Variants in PPARGC1B observed in about 807,000 individuals in gnomAD.
PPARGC1B encodes the protein PPARG coactivator 1 beta.
A neutral mutation model predicts 101.6 loss-of-function variants in PPARGC1B; 34 were observed. The ratio of observed to expected loss-of-function variants is 0.33; its 90% CI spans 0.25 to 0.45. The LOEUF (loss-of-function observed/expected upper bound fraction) is 0.45. PPARGC1B is among the 20% of genes least tolerant of loss of function. The pLI is 1.00. For synonymous variants in PPARGC1B, 548 were observed against 539.3 expected, an observed-to-expected ratio of 1.02 and a Z score of -0.22; for missense variants, 1,234 against 1,317.6, an observed-to-expected ratio of 0.94 and a Z score of 0.98.
intron 2 of PPARGC1B, among the ~76,000 whole-genome samples, chr5:149,823,190 T>C (rs1256862279): frequency 6.6e-6 from 1 of 152,212 alleles, no homozygotes; most frequent in Non-Finnish European, 1.5e-5. Context: ...CCATGTGTCC[T>C]TGGATGAGTA....
At chr5:149,739,076 G>A (rs1754823774) in intron 1 of PPARGC1B, among the ~76,000 whole-genome samples, 1 of 152,162 alleles carries the variant, frequency 6.6e-6, no homozygotes, top group Admixed American at 6.5e-5. Flanking sequence ...CGTTTTATAG[G>A]TTTCAATGTC....
Position 149,833,854 on chromosome 5 carries a change from G to A in PPARGC1B, c.1705+76G>A. 3.5e-6 allele frequency: 5 copies of A among 1,423,746 alleles called. No individual in the cohort carries two copies. Among genetic ancestry groups the A allele is most frequent in the Non-Finnish European group, 4.6e-6 (5 of 1,093,488 alleles). 88.2% of individuals were successfully genotyped at this position (1,423,746 alleles called of 1,614,324 possible). A position where few individuals can be genotyped will look rare whatever the true frequency, so the allele number is the denominator to read the frequency against. On this transcript the variant is annotated intron_variant, in intron 5 of 11. Transcript: ENST00000309241. The surrounding 1 kb of genome is among the most constrained non-coding windows in gnomAD (Gnocchi z 4.1). The stretch of plus-strand genomic sequence containing the variant: ...TGCCCCTCTGCACTGGGAGCCAGGA[G>A]CCCTGTGTTCAAGTCCCCGTCCCCC...
At chr5:149,847,191 G>A (rs1759598377) in intron 11 of PPARGC1B, 1 of 581,178 alleles carries the variant, frequency 1.7e-6, no homozygotes, top group Non-Finnish European at 3.1e-6. Context: ...GGGTGTTGGA[G>A]CTAGAAAGGC....
rs1162252523 is a variant in PPARGC1B at position 149,820,554 on chromosome 5, A to C, written c.200A>C (p.Asn67Thr). The C allele has an allele frequency of 6.2e-7, 1 of 1,613,790 alleles. No homozygotes were observed. Among genetic ancestry groups the C allele is most frequent in the Admixed American group, 1.7e-5 (1 of 60,006 alleles). The stretch of plus-strand genomic sequence containing the variant: ...GGGGAGCTGCAGTGGTGCCCAGAGA[A>C]CTCAGAGACTGAACCCAACCAGTAC... ...CFGELQWCPE[N>T]SETEPNQYSP... The change falls in exon 2 of 12, where the codon AAC becomes ACC. Residue 67 changes from asparagine (N) to threonine (T), a missense_variant. Around this residue, in one of 3 missense-constraint regions of PPARGC1B, gnomAD observed 734 missense variants for 768.4 expected, o/e 0.96. Transcript: ENST00000309241.
intron 1 of PPARGC1B, among the ~76,000 whole-genome samples, chr5:149,760,659 T>C (rs372691808): frequency 1.2e-4 from 19 of 152,226 alleles, no homozygotes; most frequent in African/African-American, 4.3e-4. Context: ...CCAAATGCTA[T>C]GCTTATGTGA....
In PPARGC1B at chr5:149,851,433, C is replaced by G. The variant is rs919565164; in HGVS notation, c.*3875C>G. 1 of 152,172 alleles carries G rather than the reference C, an allele frequency of 6.6e-6. No individual in the cohort carries two copies. Among genetic ancestry groups the G allele is most frequent in the African/African-American group, 2.4e-5 (1 of 41,424 alleles). The allele number at this position is 152,172 out of a possible 1,614,324, so 9.4% of individuals were successfully genotyped here. ...CCTAACTGTGAAGCAAAATCAGCCC[C>G]AGAGGATGTATTGATCTGACTCACT... On this transcript the variant is annotated 3_prime_UTR_variant, in exon 12 of 12. Transcript: ENST00000309241.
chr5:149,837,221 G>A lies in PPARGC1B; in HGVS notation c.2618+148G>A, dbSNP rs1040109940. 5 of 1,315,544 alleles carry A rather than the reference G, an allele frequency of 3.8e-6. No homozygotes were observed. Among genetic ancestry groups the A allele is most frequent in the Non-Finnish European group, 5.1e-6 (5 of 986,056 alleles). 81.5% of individuals were successfully genotyped at this position (1,315,544 alleles called of 1,614,324 possible). ...AGTGTGGCCCATGTCTTGGTCAGGA[G>A]CCTTGAAGGTGGTCTTCTGGGGCAG... On this transcript the variant is annotated intron_variant, in intron 8 of 11. Coordinates refer to ENST00000309241, the MANE Select transcript of PPARGC1B (RefSeq NM_133263.4). This position sits in a 1 kb window ranked among gnomAD's most constrained non-coding sequence, Gnocchi z 4.2.
chr5:149,791,015 G>A (rs752147275), intron 1 of PPARGC1B, among the ~76,000 whole-genome samples: 28 of 152,072 alleles, frequency 1.8e-4, no homozygotes, highest in Non-Finnish European at 4.0e-4. Context: ...TGGACCAGGT[G>A]TGGTGGTTCA....
chr5:149,774,938 C>G (rs187584449), intron 1 of PPARGC1B, among the ~76,000 whole-genome samples: 4 of 152,268 alleles, frequency 2.6e-5, no homozygotes, highest in Non-Finnish European at 1.5e-5. Context: ...ATGGGCTCAT[C>G]TGGGACTCAG....
At chr5:149,819,335 A>AT (rs1758181655) in intron 1 of PPARGC1B, among the ~76,000 whole-genome samples, 1 of 152,006 alleles carries the variant, frequency 6.6e-6, no homozygotes, top group Non-Finnish European at 1.5e-5. Flanking sequence ...ATATGGCTTG[A>AT]TTTTTACTTT....
At chr5:149,817,961 C>A (rs889139374) in intron 1 of PPARGC1B, among the ~76,000 whole-genome samples, 3 of 152,192 alleles carry the variant, frequency 2.0e-5, no homozygotes, top group African/African-American at 7.2e-5. Context: ...AGGAAACAAA[C>A]CAATTATCCA....
chr5:149,761,846 G>C (rs62382303), intron 1 of PPARGC1B, among the ~76,000 whole-genome samples: 13,435 of 152,196 alleles, frequency 0.088, 846 homozygotes, highest in African/African-American at 0.18. Flanking sequence ...GGGGAGCACT[G>C]TGTTATCCCG....
At chr5:149,778,423 T>C (rs922570092) in intron 1 of PPARGC1B, among the ~76,000 whole-genome samples, 1 of 151,702 alleles carries the variant, frequency 6.6e-6, no homozygotes, top group African/African-American at 2.4e-5. Flanking sequence ...GAGAGGAGGC[T>C]CCAAGCAGAA....
chr5:149,743,199 A>C (rs1347928212), intron 1 of PPARGC1B, among the ~76,000 whole-genome samples: 3 of 139,808 alleles, frequency 2.1e-5, no homozygotes, highest in Admixed American at 1.5e-4. Context: ...TCTGTCGCCC[A>C]GGCTGGAGTG....
intron 10 of PPARGC1B, among the ~76,000 whole-genome samples, chr5:149,844,295 A>G (rs534798821): frequency 6.6e-6 from 1 of 152,208 alleles, no homozygotes; most frequent in Non-Finnish European, 1.5e-5. Flanking sequence ...TTAAGATTTT[A>G]AAAAAACACA....
Position 149,845,808 on chromosome 5 carries a change from C to T in PPARGC1B, c.2865C>T (p.Ala955=), listed in dbSNP as rs569906972. 3 of 1,613,936 alleles carry T rather than the reference C, an allele frequency of 1.9e-6. No individual in the cohort carries two copies. In the South Asian group the frequency reaches 3.3e-5, roughly 18 times the overall value. Residue 955 remains alanine (A), a synonymous_variant, in exon 11 of 12, where the codon GCC becomes GCT. Coordinates refer to ENST00000309241, the MANE Select transcript of PPARGC1B (RefSeq NM_133263.4). The part of the protein sequence containing the change: ...FITYRCSEHA[A]LSLTKGAALR... ...CCTACCGGTGTTCTGAGCACGCGGC[C>T]CTCTCTTTGACAAAGGGCGCTGCCC...
At chr5:149,793,246 CTCT>C (rs1561545544) in intron 1 of PPARGC1B, among the ~76,000 whole-genome samples, 1 of 152,084 alleles carries the variant, frequency 6.6e-6, no homozygotes, top group African/African-American at 2.4e-5. Context: ...CATGGGGCAG[CTCT>C]TCTTGGTCAA....
chr5:149,847,070 G>A (rs75739000), intron 11 of PPARGC1B: 16,648 of 325,548 alleles, frequency 0.051, 893 homozygotes, highest in Admixed American at 0.17. Context: ...TGGTGACAGA[G>A]CGAGACTGCA....
In PPARGC1B at chr5:149,763,861, G is replaced by A. The variant is rs189530143; in HGVS notation, c.78+33441G>A. Among the ~76,000 whole-genome samples, 52 of 151,496 alleles carry A rather than the reference G, an allele frequency of 3.4e-4. No homozygotes were observed. In the East Asian group the frequency reaches 7.2e-3, roughly 21 times the overall value. The stretch of plus-strand genomic sequence containing the variant: ...TGCAGGGGTGCAATCTTGGCTGACC[G>A]CCACCTCTGCCTCCTGGGCTAAAGG... On this transcript the variant is annotated intron_variant, in intron 1 of 11. Coordinates refer to ENST00000309241, the MANE Select transcript of PPARGC1B (RefSeq NM_133263.4).
Sources: gnomAD v4.1 joint callset for allele counts (sites outside exome capture counted in the v4.1 genomes callset) on GRCh38, gnomAD v4.1.1 for gene constraint, gnomAD v4.1.1 regional missense constraint, Gnocchi (gnomAD v3.1) non-coding constraint, MANE v1.5 for transcripts, NCBI Gene and HGNC (gene_info 2026-07-23, HGNC 2026-07-21) for gene names.